The following WDFY3 variants were observed in gnomAD, a reference collection of about 807,000 sequenced individuals.
The protein encoded by WDFY3 is WD repeat and FYVE domain-containing protein 3.
A neutral mutation model predicts 409.6 loss-of-function variants in WDFY3; 66 were observed. The ratio of observed to expected loss-of-function variants is 0.16; its 90% CI spans 0.13 to 0.20. WDFY3 has a LOEUF of 0.20. Among genes scored for constraint, WDFY3 ranks in the 10% least tolerant of loss-of-function variants. The pLI is 1.00. For missense variants in WDFY3, 3,031 were observed against 4,298.1 expected (o/e 0.71, Z 8.24); for synonymous variants, 1,521 against 1,537.1 (o/e 0.99, Z 0.25).
chr4:84,884,260 T>C (rs2150428486), intron 3 of WDFY3, among the ~76,000 whole-genome samples: 1 of 152,278 alleles, frequency 6.6e-6, no homozygotes, highest in East Asian at 1.9e-4. Context: ...TATTTCAACT[T>C]GTTTTTTAAA....
intron 3 of WDFY3, among the ~76,000 whole-genome samples, chr4:84,881,584 T>C (rs1436725747): frequency 6.8e-6 from 1 of 146,754 alleles, no homozygotes; most frequent in African/African-American, 2.5e-5. Context: ...TTACAATCAT[T>C]AAAAAAAAAA....
chr4:84,678,320 G>C (rs1333152425), intron 65 of WDFY3, 41 bp from the exon 66 acceptor site: 1 of 1,481,578 alleles, frequency 6.7e-7, no homozygotes, highest in African/African-American at 1.4e-5. Flanking sequence ...ACTCAACTGA[G>C]AGAAGCCAAT....
At chr4:84,705,668 T>C (rs753133148) in intron 53 of WDFY3, among the ~76,000 whole-genome samples, 157 bp from the exon 54 acceptor site, 61 of 152,218 alleles carry the variant, frequency 4.0e-4, no homozygotes, top group Non-Finnish European at 2.2e-4. Flanking sequence ...ATGCTATATA[T>C]GTACTGTTTA....
Position 84,739,009 on chromosome 4 carries a change from C to T in WDFY3, c.6574+1G>A. 1 of 1,613,820 alleles carries T rather than the reference C, an allele frequency of 6.2e-7. No homozygotes were observed. The highest frequency in any genetic ancestry group is 8.5e-7 in the Non-Finnish European group (1 of 1,179,730). On this transcript the variant is annotated splice_donor_variant, in intron 40 of 67. Transcript: ENST00000295888. LOFTEE classifies it high-confidence loss of function. The stretch of plus-strand genomic sequence containing the variant: ...AAAACATCCCAAGTCAAGGCAATTA[C>T]CTTCACTAATATCTTGGCTGTAACT...
At chr4:84,771,899 G>A (rs1744743616) in intron 30 of WDFY3, among the ~76,000 whole-genome samples, 1 of 152,130 alleles carries the variant, frequency 6.6e-6, no homozygotes, top group African/African-American at 2.4e-5. Flanking sequence ...CTAACATACT[G>A]TGTGATTTGC....
Position 84,671,364 on chromosome 4 carries a change from G to A in WDFY3, c.*1504C>T, listed in dbSNP as rs1560498333. On this transcript the variant is annotated 3_prime_UTR_variant, in exon 68 of 68. Transcript: ENST00000295888. ...CCTTTCGCACCTGTGAAGGTGTGAA[G>A]GCCTATCTTGGGCCATTAATGATTC... 3 of 152,454 alleles carry A rather than the reference G, an allele frequency of 2.0e-5. No individual in the cohort carries two copies. The highest frequency in any genetic ancestry group is 2.9e-5 in the Non-Finnish European group (2 of 68,014). The allele number at this position is 152,454 out of a possible 1,614,324, so 9.4% of individuals were successfully genotyped here.
At chr4:84,826,597 T>C (rs1361637778) in intron 10 of WDFY3, among the ~76,000 whole-genome samples, 2 of 152,192 alleles carry the variant, frequency 1.3e-5, no homozygotes, top group Non-Finnish European at 2.9e-5. Flanking sequence ...CCTTGTTTGA[T>C]TTTATATTTT....
At chr4:84,809,325 ATGCCTAGC>A in intron 14 of WDFY3, 13 of 151,340 alleles carry the variant, frequency 8.6e-5, no homozygotes, top group South Asian at 2.1e-4. Context: ...TGAATCCTCA[ATGCCTAGC>A]ACAGTGACTT....
At chr4:84,952,917 A>C (rs1773788127) in intron 1 of WDFY3, among the ~76,000 whole-genome samples, 2 of 152,168 alleles carry the variant, frequency 1.3e-5, no homozygotes, top group Admixed American at 6.5e-5. Context: ...GTAACCCAAC[A>C]ACCTTTCTTC....
At chr4:84,789,643 ACACACACACACACACACACACACACACC>A (rs1312543930) in intron 22 of WDFY3, 55 bp downstream of exon 22, 6 of 1,201,148 alleles carry the variant, frequency 5.0e-6, no homozygotes, top group African/African-American at 4.7e-5. Context: ...ACACACACAC[ACACACACACACACACACACACACACACC>A]CCCCAAACTA....
At chr4:84,888,959 C>T (rs1034756506) in intron 3 of WDFY3, among the ~76,000 whole-genome samples, 2 of 151,950 alleles carry the variant, frequency 1.3e-5, no homozygotes, top group African/African-American at 4.8e-5. Context: ...CTTTACTTCT[C>T]TTTTCCTGTA....
At chr4:84,766,082 A>T in intron 31 of WDFY3, 55 bp from the exon 32 acceptor site, 1 of 1,568,410 alleles carries the variant, frequency 6.4e-7, no homozygotes, top group Non-Finnish European at 8.7e-7. Context: ...TTCAGAAATT[A>T]GGATTTCAAA....
At chr4:84,941,619 G>C (rs1772139219) in intron 1 of WDFY3, among the ~76,000 whole-genome samples, 1 of 152,014 alleles carries the variant, frequency 6.6e-6, no homozygotes, top group Non-Finnish European at 1.5e-5. Context: ...TTTACCTATA[G>C]ATTCAATGCA....
intron 25 of WDFY3, among the ~76,000 whole-genome samples, chr4:84,780,766 A>AAAATAAAT (rs370562593): frequency 6.7e-4 from 102 of 151,358 alleles, no homozygotes; most frequent in African/African-American, 1.0e-3. Flanking sequence ...TCCCTCTCAA[A>AAAATAAAT]AAATAAATAA....
intron 2 of WDFY3, among the ~76,000 whole-genome samples, chr4:84,929,828 T>G (rs1770516019): frequency 6.6e-6 from 1 of 151,754 alleles, no homozygotes. Context: ...CGAGAATCGC[T>G]TGAACCCAGG....
At chr4:84,775,028 T>A (rs777973758) in intron 28 of WDFY3, 37 bp downstream of exon 28, 1 of 1,613,418 alleles carries the variant, frequency 6.2e-7, no homozygotes, top group Admixed American at 1.7e-5. Flanking sequence ...ACCTTTTCTA[T>A]AGCTGAATAA....
intron 1 of WDFY3, among the ~76,000 whole-genome samples, chr4:84,939,999 A>G (rs541422327): frequency 3.9e-5 from 6 of 152,284 alleles, no homozygotes; most frequent in African/African-American, 7.2e-5. Context: ...GTACATATAT[A>G]TTGGCTTAAA....
chr4:84,868,518 C>T (rs765707100), intron 3 of WDFY3, among the ~76,000 whole-genome samples: 2 of 152,140 alleles, frequency 1.3e-5, no homozygotes, highest in Admixed American at 6.5e-5. Flanking sequence ...TGAGATACTA[C>T]AAGATTAGCC....
chr4:84,920,868 G>A (rs1769180326), intron 2 of WDFY3, among the ~76,000 whole-genome samples: 1 of 151,958 alleles, frequency 6.6e-6, no homozygotes, highest in African/African-American at 2.4e-5. Context: ...CCAAATTGGT[G>A]TAGGACCTAA....
Sources: gnomAD v4.1 joint callset for allele counts (sites outside exome capture counted in the v4.1 genomes callset) on GRCh38, gnomAD v4.1.1 for gene constraint, MANE v1.5 for transcripts, NCBI Gene and HGNC (gene_info 2026-07-23, HGNC 2026-07-21) for gene names.